ITGBL1: variants seen among roughly 807,000 people sequenced by gnomAD.
The protein encoded by ITGBL1 is integrin subunit beta like 1, also known as integrin beta-like protein 1.
Under a neutral mutation model 68.5 loss-of-function variants are expected in ITGBL1, and 51 were observed. The observed-to-expected ratio is 0.74, with a 90% CI of 0.59 to 0.94. The LOEUF (loss-of-function observed/expected upper bound fraction) is 0.94. ITGBL1 is among the 40% of genes least tolerant of loss of function. The pLI is 0.00. For missense variants in ITGBL1, 649 were observed against 647.4 expected (o/e 1.00, Z -0.03); for synonymous variants, 209 against 227.3 (o/e 0.92, Z 0.72).
Position 101,567,708 on chromosome 13 carries a change from A to G in ITGBL1, c.326A>G (p.Lys109Arg). 1 of 1,612,906 alleles carries G rather than the reference A, an allele frequency of 6.2e-7. No homozygotes were observed. Among genetic ancestry groups the G allele is most frequent in the Non-Finnish European group, 8.5e-7 (1 of 1,179,284 alleles). Residue 109 changes from lysine (K) to arginine (R), a missense_variant, in exon 3 of 11, where the codon AAG becomes AGG. Coordinates refer to ENST00000376180, the MANE Select transcript of ITGBL1 (RefSeq NM_004791.3). ...GTTGTTCAATCCCCAGGCCATGGTA[A>G]GTGTGACTGTGGCAAGTGCAAGTGT... is the stretch of plus-strand genomic sequence containing the variant. ...YDGSTCAGHG[K>R]CDCGKCKCDQ...
At chr13:101,457,641 C>T (rs1276556288) in intron 2 of ITGBL1, among the ~76,000 whole-genome samples, 1 of 151,880 alleles carries the variant, frequency 6.6e-6, no homozygotes, top group African/African-American at 2.4e-5. Flanking sequence ...ATGGTGAAAC[C>T]CTGTCTCTAC....
At chr13:101,677,506 A>G (rs1398374395) in intron 7 of ITGBL1, among the ~76,000 whole-genome samples, 4 of 152,170 alleles carry the variant, frequency 2.6e-5, no homozygotes, top group Non-Finnish European at 4.4e-5. Context: ...AATAGGGAGG[A>G]TCATTATTTC....
intron 2 of ITGBL1, among the ~76,000 whole-genome samples, chr13:101,496,292 G>A (rs1196549775): frequency 1.3e-5 from 2 of 152,158 alleles, no homozygotes; most frequent in Non-Finnish European, 2.9e-5. Context: ...GGAGACTTGG[G>A]CTGGGGTTTT....
intron 3 of ITGBL1, 52 bp from the exon 4 acceptor site, chr13:101,575,372 T>A: frequency 6.5e-7 from 1 of 1,532,512 alleles, no homozygotes; most frequent in Non-Finnish European, 9.0e-7. Context: ...AATTCATTAA[T>A]TATAATTTTA....
chr13:101,455,746 A>T (rs9554784), intron 2 of ITGBL1, among the ~76,000 whole-genome samples: 26,943 of 152,144 alleles, frequency 0.18, 2,720 homozygotes, highest in East Asian at 0.38. Flanking sequence ...ACCGCAGTAT[A>T]ATTAAGGGTA....
chr13:101,689,625 T>C (rs779711650), intron 7 of ITGBL1, among the ~76,000 whole-genome samples: 16 of 151,816 alleles, frequency 1.1e-4, no homozygotes, highest in Non-Finnish European at 2.1e-4. Flanking sequence ...CCCAAAAAAA[T>C]ATGGAATGCA....
chr13:101,524,899 T>A (rs1273301701), intron 2 of ITGBL1, among the ~76,000 whole-genome samples: 1 of 152,206 alleles, frequency 6.6e-6, no homozygotes, highest in Non-Finnish European at 1.5e-5. Flanking sequence ...TAATCACAGA[T>A]GCATCGGCTC....
chr13:101,592,888 G>A (rs1484774072), intron 6 of ITGBL1, among the ~76,000 whole-genome samples: 4 of 151,822 alleles, frequency 2.6e-5, no homozygotes, highest in Non-Finnish European at 4.4e-5. Context: ...GACCTCAAAA[G>A]CAAAGCAACA....
chr13:101,599,391 G>A (rs1031648302), intron 7 of ITGBL1, among the ~76,000 whole-genome samples: 17 of 150,864 alleles, frequency 1.1e-4, no homozygotes, highest in Non-Finnish European at 2.1e-4. Context: ...TAGGTTGCCT[G>A]TTCACTCTGA....
Position 101,546,038 on chromosome 13 carries a change from A to G in ITGBL1, c.317-21661A>G, listed in dbSNP as rs562184172. Reference sequence around the variant, plus strand: ...ACAAGTAGCCAAATAGATGAATCTTACAATATTATAGATATTACAAACATA... The same window carrying G: ...ACAAGTAGCCAAATAGATGAATCTTGCAATATTATAGATATTACAAACATA... On this transcript the variant is annotated intron_variant, in intron 2 of 10. Coordinates refer to ENST00000376180, the MANE Select transcript of ITGBL1 (RefSeq NM_004791.3). Among the ~76,000 whole-genome samples the G allele has an allele frequency of 2.6e-5, 4 of 152,352 alleles. No individual in the cohort carries two copies. In the East Asian group the frequency reaches 5.8e-4, roughly 22 times the overall value.
At chr13:101,620,588 A>T (rs568563328) in intron 7 of ITGBL1, among the ~76,000 whole-genome samples, 15 of 152,234 alleles carry the variant, frequency 9.9e-5, no homozygotes, top group Non-Finnish European at 1.9e-4. Context: ...CACAGAAGTG[A>T]TGGTACCCCA....
intron 7 of ITGBL1, among the ~76,000 whole-genome samples, chr13:101,658,595 A>C (rs577043334): frequency 1.1e-4 from 17 of 152,280 alleles, no homozygotes; most frequent in African/African-American, 3.8e-4. Context: ...TTATATACTT[A>C]TATTAAAATT....
chr13:101,654,823 G>C (rs1360919686), intron 7 of ITGBL1, among the ~76,000 whole-genome samples: 1 of 152,060 alleles, frequency 6.6e-6, no homozygotes, highest in Non-Finnish European at 1.5e-5. Flanking sequence ...GAAAGGCTGG[G>C]GACAAAGCAA....
At chr13:101,569,828 T>C (rs1165915661) in intron 3 of ITGBL1, among the ~76,000 whole-genome samples, 1 of 152,204 alleles carries the variant, frequency 6.6e-6, no homozygotes, top group East Asian at 1.9e-4. Flanking sequence ...TCTGCTCATA[T>C]TGGTGATGTC....
At chr13:101,606,174 TTA>T (rs4000927) in intron 7 of ITGBL1, among the ~76,000 whole-genome samples, 58 of 138,024 alleles carry the variant, frequency 4.2e-4, no homozygotes, top group African/African-American at 1.3e-3. Context: ...ATTAGGATTT[TTA>T]TATATATATA....
intron 2 of ITGBL1, among the ~76,000 whole-genome samples, chr13:101,497,860 T>A (rs2048879353): frequency 2.0e-5 from 1 of 50,140 alleles, no homozygotes; most frequent in African/African-American, 5.2e-5. Flanking sequence ...AAGCTGATAA[T>A]TTTTTTTTTT....
At chr13:101,533,846 T>C (rs2049524553) in intron 2 of ITGBL1, among the ~76,000 whole-genome samples, 1 of 152,222 alleles carries the variant, frequency 6.6e-6, no homozygotes, top group African/African-American at 2.4e-5. Context: ...AACAATCTAT[T>C]TGGCTGCTAC....
At chr13:101,719,006 G>C (rs78851738), downstream of ITGBL1, 1 of 152,074 alleles carries the variant, frequency 6.6e-6, no homozygotes, top group South Asian at 2.1e-4. Flanking sequence ...TAGCCCAGTC[G>C]CTTTCCCTTG....
chr13:101,560,406 G>A (rs1458686133), intron 2 of ITGBL1, among the ~76,000 whole-genome samples: 3 of 152,120 alleles, frequency 2.0e-5, no homozygotes, highest in Non-Finnish European at 4.4e-5. Context: ...TTATCATGAG[G>A]CTGTAGCAGT....
Sources: allele counts gnomAD v4.1 joint callset (sites outside exome capture counted in the v4.1 genomes callset), GRCh38; gene constraint gnomAD v4.1.1; transcripts MANE v1.5; gene names NCBI Gene and HGNC (gene_info 2026-07-23, HGNC 2026-07-21).